Variants in TMEM178A observed in about 807,000 individuals in gnomAD.
The protein encoded by TMEM178A is transmembrane protein 178.
In TMEM178A, 12 loss-of-function variants were observed where a neutral mutation model predicts 29.1. The ratio of observed to expected loss-of-function variants is 0.41; its 90% CI spans 0.26 to 0.67. The LOEUF is 0.67. TMEM178A is among the 30% of genes least tolerant of loss of function. The pLI is 0.29. For missense variants in TMEM178A, 366 were observed against 419.1 expected (o/e 0.87, Z 1.11); for synonymous variants, 210 against 187.2 (o/e 1.12, Z -0.99).
chr2:39,684,480 C>T (rs934812355), intron 1 of TMEM178A, among the ~76,000 whole-genome samples: 5 of 152,146 alleles, frequency 3.3e-5, no homozygotes, highest in South Asian at 2.1e-4. Flanking sequence ...TGCTTTGTAT[C>T]GAGCATTAAG....
chr2:39,728,156 T>C, the TMEM178A span, among the ~76,000 whole-genome samples: 1 of 152,224 alleles, frequency 6.6e-6, no homozygotes, highest in Non-Finnish European at 1.5e-5. Context: ...CCACAGTGGA[T>C]GAACCAATTT....
the TMEM178A span, among the ~76,000 whole-genome samples, chr2:39,732,814 G>A: frequency 1.3e-5 from 2 of 152,126 alleles, no homozygotes; most frequent in Non-Finnish European, 2.9e-5. Flanking sequence ...CCATCTCTTA[G>A]CCCAGGCCTC....
Position 39,717,399 on chromosome 2 carries a change from C to T in TMEM178A, c.*148C>T, listed in dbSNP as rs1672593155. 8.5e-7 allele frequency: 1 copy of T among 1,171,614 alleles called. No individual in the cohort carries two copies. The highest frequency in any genetic ancestry group is 3.0e-5 in the Admixed American group (1 of 33,128). 72.6% of individuals were successfully genotyped at this position (1,171,614 alleles called of 1,614,324 possible). On this transcript the variant is annotated 3_prime_UTR_variant, in exon 4 of 4. Coordinates refer to ENST00000281961, the MANE Select transcript of TMEM178A (RefSeq NM_152390.3). Reference sequence around the variant, plus strand: ...TTACTGATAGAAAATCATGCAAAACCTCCCAACCTTTCTAAGGACAAGACT... The same window carrying T: ...TTACTGATAGAAAATCATGCAAAACTTCCCAACCTTTCTAAGGACAAGACT...
intron 1 of TMEM178A, among the ~76,000 whole-genome samples, chr2:39,680,201 C>T (rs1171629869): frequency 6.6e-6 from 1 of 152,082 alleles, no homozygotes; most frequent in African/African-American, 2.4e-5. Context: ...ATTCGTGTAA[C>T]CTGTTTAGTC....
intron 2 of TMEM178A, among the ~76,000 whole-genome samples, chr2:39,706,232 C>T (rs989258276): frequency 6.6e-6 from 1 of 152,006 alleles, no homozygotes; most frequent in Non-Finnish European, 1.5e-5. Flanking sequence ...TTGCAATAGA[C>T]CAAACTAGAC....
rs751922789 is a variant in TMEM178A, at chr2:39,717,245, G to A, written c.888G>A (p.Thr296=). Residue 296 remains threonine (T), a synonymous_variant, in exon 4 of 4, where the codon ACG becomes ACA. Coordinates refer to ENST00000281961, the MANE Select transcript of TMEM178A (RefSeq NM_152390.3). ...IAQLKSGRDS[T]V The stretch of plus-strand genomic sequence containing the variant: ...AGCTAAAGTCTGGCAGAGACTCCAC[G>A]GTATGACTGTCCTCACTGGGCCTGT... The A allele has an allele frequency of 9.3e-6, 15 of 1,613,252 alleles. No individual in the cohort carries two copies. Among genetic ancestry groups the A allele is most frequent in the Admixed American group, 3.3e-5 (2 of 59,888 alleles).
chr2:39,723,930 TC>T, the TMEM178A span, among the ~76,000 whole-genome samples: 1 of 152,154 alleles, frequency 6.6e-6, no homozygotes, highest in South Asian at 2.1e-4. Flanking sequence ...TTTCCAAGGG[TC>T]CCTTTGGAAG....
the TMEM178A span, among the ~76,000 whole-genome samples, chr2:39,724,545 G>T: frequency 6.6e-6 from 1 of 152,096 alleles, no homozygotes; most frequent in African/African-American, 2.4e-5. Context: ...CATCTGATGT[G>T]GAGTCAAAAC....
chr2:39,703,973 A>T, intron 1 of TMEM178A, 108 bp from the exon 2 acceptor site: 1 of 743,734 alleles, frequency 1.3e-6, no homozygotes, highest in Non-Finnish European at 2.2e-6. Context: ...AGAGATTCTT[A>T]TCCCATCTCC....
the TMEM178A span, among the ~76,000 whole-genome samples, chr2:39,726,936 A>C: frequency 3.9e-5 from 6 of 152,242 alleles, no homozygotes; most frequent in African/African-American, 1.4e-4. Context: ...GCAAAATTAC[A>C]CTTCAAATCT....
intron 1 of TMEM178A, among the ~76,000 whole-genome samples, chr2:39,680,618 G>C (rs921844229): frequency 3.3e-5 from 5 of 152,156 alleles, no homozygotes; most frequent in African/African-American, 1.2e-4. Flanking sequence ...ACTGGAATTA[G>C]AGTTCATAGT....
At chr2:39,707,023 A>G (rs1432323232) in intron 2 of TMEM178A, 26 bp from the exon 3 acceptor site, 4 of 1,580,060 alleles carry the variant, frequency 2.5e-6, no homozygotes, top group Non-Finnish European at 2.6e-6. Flanking sequence ...TCTGATTGTG[A>G]ATGTCTGTGT....
At chr2:39,710,879 G>T (rs17024206) in intron 3 of TMEM178A, among the ~76,000 whole-genome samples, 1 of 152,186 alleles carries the variant, frequency 6.6e-6, no homozygotes, top group Admixed American at 6.5e-5. Context: ...TGACAGGTTG[G>T]CTGGTTAAAA....
chr2:39,680,758 T>G (rs1479677791), intron 1 of TMEM178A, among the ~76,000 whole-genome samples: 1 of 152,200 alleles, frequency 6.6e-6, no homozygotes, highest in Non-Finnish European at 1.5e-5. Context: ...AACATGCTTT[T>G]TTTTGTTTCA....
downstream of TMEM178A, among the ~76,000 whole-genome samples, chr2:39,721,473 G>A (rs1023952343): frequency 1.3e-5 from 2 of 152,014 alleles, no homozygotes; most frequent in Non-Finnish European, 2.9e-5. Context: ...CTACTATAAG[G>A]TCTGGCTATG....
intron 1 of TMEM178A, among the ~76,000 whole-genome samples, chr2:39,701,654 C>T (rs542410490): frequency 6.6e-6 from 1 of 152,230 alleles, no homozygotes; most frequent in East Asian, 1.9e-4. Context: ...CTTCTCTCCT[C>T]CTTTCTGCAG....
intron 3 of TMEM178A, among the ~76,000 whole-genome samples, chr2:39,713,583 G>C (rs899911989): frequency 3.9e-5 from 6 of 152,238 alleles, no homozygotes; most frequent in African/African-American, 1.4e-4. Context: ...GACACAGGGA[G>C]AAGATGGCCA....
intron 1 of TMEM178A, among the ~76,000 whole-genome samples, chr2:39,682,172 C>G (rs998610382): frequency 5.9e-5 from 9 of 152,162 alleles, no homozygotes; most frequent in African/African-American, 2.2e-4. Context: ...CTCTGTGCAT[C>G]AAAACTTGTA....
chr2:39,702,624 G>A (rs1189334295), intron 1 of TMEM178A, among the ~76,000 whole-genome samples: 5 of 150,792 alleles, frequency 3.3e-5, no homozygotes, highest in Non-Finnish European at 7.4e-5. Context: ...TACCTTTAAT[G>A]CCTTAGACCT....
Sources: allele counts gnomAD v4.1 joint callset (sites outside exome capture counted in the v4.1 genomes callset), GRCh38; gene constraint gnomAD v4.1.1; transcripts MANE v1.5; gene names NCBI Gene and HGNC (gene_info 2026-07-23, HGNC 2026-07-21).